The following TPO variants were observed in gnomAD, a reference collection of about 807,000 sequenced individuals.
TPO encodes the protein thyroid microsomal antigen.
Under a neutral mutation model 96.9 loss-of-function variants are expected in TPO, and 78 were observed. The ratio of observed to expected loss-of-function variants is 0.81; its 90% confidence interval spans 0.67 to 0.97. TPO has a LOEUF of 0.97. TPO is among the 50% of genes least tolerant of loss of function. TPO has a pLI of 0.00. For synonymous variants in TPO, 547 were observed against 538.0 expected (o/e 1.02, Z -0.23); for missense variants, 1,252 against 1,274.8 (o/e 0.98, Z 0.27).
At chr2:1,537,033 C>CCCCCACTGTGTGCAACCTTCCCAAATCG (rs1553341634) in intron 15 of TPO, among the ~76,000 whole-genome samples, 1 of 50,980 alleles carries the variant, frequency 2.0e-5, no homozygotes, top group African/African-American at 9.0e-5. Context: ...TCCTCAAATA[C>CCCCCACTGTGTGCAACCTTCCCAAATCG]CCCCACTGTG....
chr2:1,400,096 T>C (rs1662144375), intron 1 of TPO, among the ~76,000 whole-genome samples: 2 of 152,196 alleles, frequency 1.3e-5, no homozygotes, highest in African/African-American at 4.8e-5. Context: ...CAGTAGCTTC[T>C]TGCATTTAGA....
intron 2 of TPO, among the ~76,000 whole-genome samples, chr2:1,422,395 G>GACAGACCTCGTGCAGGC (rs1163151839): frequency 2.2e-4 from 34 of 151,402 alleles, no homozygotes; most frequent in South Asian, 4.2e-4. Context: ...CGCCGCGCTG[G>GACAGACCTCGTGCAGGC]GCCATGGGGA....
upstream of TPO, among the ~76,000 whole-genome samples, chr2:1,409,800 AC>A (rs1355935513): frequency 1.3e-5 from 2 of 151,166 alleles, no homozygotes; most frequent in Non-Finnish European, 1.5e-5. Context: ...GCGCGCACAC[AC>A]ACACACACAT....
intron 15 of TPO, among the ~76,000 whole-genome samples, chr2:1,533,422 A>C (rs1573623864): frequency 5.7e-5 from 4 of 69,644 alleles, no homozygotes; most frequent in Admixed American, 2.1e-4. Context: ...AATCCCCCCA[A>C]ATGTGTGCAA....
At chr2:1,528,724 C>CTGTGCAACCTCCCCAAATACCCCACACTG (rs1677228493) in intron 15 of TPO, among the ~76,000 whole-genome samples, 2 of 129,898 alleles carry the variant, frequency 1.5e-5, no homozygotes, top group African/African-American at 6.2e-5. Flanking sequence ...CCCACCCACT[C>CTGTGCAACCTCCCCAAATACCCCACACTG]TGTGCAACCT....
intron 7 of TPO, 111 bp from the exon 8 acceptor site, chr2:1,476,975 G>A: frequency 1.5e-6 from 2 of 1,370,124 alleles, no homozygotes; most frequent in East Asian, 2.5e-5. Context: ...GAGGACTGGA[G>A]GGGCAGAGAA....
rs1325426648 is a variant in TPO at position 1,415,405 on chromosome 2, G to A, written c.94+903G>A. Among the ~76,000 whole-genome samples, 4 of 136,512 alleles carry A rather than the reference G, an allele frequency of 2.9e-5. No individual in the cohort carries two copies. In the East Asian group the frequency reaches 9.2e-4, roughly 31 times the overall value. The allele number at this position is 136,512 out of a possible 152,430, so 89.6% of individuals were successfully genotyped here. On this transcript the variant is annotated intron_variant, in intron 2 of 16. Coordinates refer to ENST00000329066, the MANE Select transcript of TPO (RefSeq NM_001206744.2). ...TCTGGACACAGTCTCGGGGCCCCTG[G>A]AGCAGGTGACAGCTCACCGGGCAGG...
chr2:1,487,020 C>G (rs1291211891), intron 9 of TPO, among the ~76,000 whole-genome samples: 2 of 152,216 alleles, frequency 1.3e-5, no homozygotes, highest in African/African-American at 2.4e-5. Flanking sequence ...TTTAAAGACT[C>G]TGGTGGCATG....
intron 7 of TPO, among the ~76,000 whole-genome samples, chr2:1,461,979 G>A (rs149876932): frequency 3.9e-5 from 6 of 152,140 alleles, no homozygotes; most frequent in Non-Finnish European, 8.8e-5. Flanking sequence ...GGAAAGGCGG[G>A]TGCTCTCATC....
At chr2:1,474,118 C>T (rs539673489) in intron 7 of TPO, among the ~76,000 whole-genome samples, 18 of 152,168 alleles carry the variant, frequency 1.2e-4, no homozygotes, top group African/African-American at 4.1e-4. Context: ...TTTCACTGCT[C>T]GAGATAATAT....
At chr2:1,393,573 C>T (rs1284794877) in intron 1 of TPO, among the ~76,000 whole-genome samples, 2 of 152,204 alleles carry the variant, frequency 1.3e-5, no homozygotes, top group Admixed American at 6.5e-5. Flanking sequence ...ACCTGTGAAC[C>T]CGCTGATAGC....
chr2:1,433,741 A>G, intron 4 of TPO, 134 bp downstream of exon 4: 1 of 1,010,442 alleles, frequency 9.9e-7, no homozygotes, highest in Non-Finnish European at 1.5e-6. Context: ...GCTCTTTCAA[A>G]GCATACAAGC....
chr2:1,497,136 C>T (rs1301214688), intron 13 of TPO, among the ~76,000 whole-genome samples: 1 of 152,194 alleles, frequency 6.6e-6, no homozygotes, highest in African/African-American at 2.4e-5. Context: ...GGCTCGCCTC[C>T]ACCTCCACCT....
chr2:1,483,203 A>C (rs1000829296), intron 8 of TPO, among the ~76,000 whole-genome samples: 1 of 152,186 alleles, frequency 6.6e-6, no homozygotes, highest in Non-Finnish European at 1.5e-5. Context: ...TGAAGGGCGC[A>C]GGTTTCCTCT....
intron 14 of TPO, among the ~76,000 whole-genome samples, chr2:1,514,783 G>C (rs1674512610): frequency 6.6e-6 from 1 of 152,232 alleles, no homozygotes; most frequent in African/African-American, 2.4e-5. Flanking sequence ...AAAATTTGGA[G>C]CAAAGAATAA....
intron 15 of TPO, among the ~76,000 whole-genome samples, chr2:1,525,362 C>G (rs1676197526): frequency 7.1e-6 from 1 of 141,836 alleles, no homozygotes; most frequent in Admixed American, 7.1e-5. Context: ...CCAAATCTCC[C>G]CCACTGTGAG....
rs376568102 is a variant in TPO at position 1,456,243 on chromosome 2, G to A, written c.780G>A (p.Gln260=). The A allele has an allele frequency of 5.0e-6, 8 of 1,614,146 alleles. No individual in the cohort carries two copies. The highest frequency in any genetic ancestry group is 1.6e-4 in the Middle Eastern group (1 of 6,062). The change falls in exon 7 of 17, where the codon CAG becomes CAA. Residue 260 remains glutamine (Q), a synonymous_variant. Transcript: ENST00000329066. ...CCTTCGGGGGAGGGGCTGACTGCCA[G>A]ATGACTTGTGAGAACCAAAACCCAT... is the stretch of plus-strand genomic sequence containing the variant. ...KAAFGGGADC[Q]MTCENQNPCF... is the part of the protein sequence containing the mutation.
intron 15 of TPO, among the ~76,000 whole-genome samples, chr2:1,527,759 C>T (rs1676925902): frequency 6.7e-6 from 1 of 149,066 alleles, no homozygotes. Context: ...GGGCAACCTC[C>T]CCAAATCCCC....
At chr2:1,446,149 C>T (rs936533093) in intron 5 of TPO, among the ~76,000 whole-genome samples, 12 of 152,180 alleles carry the variant, frequency 7.9e-5, no homozygotes, top group African/African-American at 2.7e-4. Context: ...GAGAACTGTA[C>T]ACCCCAGAGG....
Sources: allele counts gnomAD v4.1 joint callset (sites outside exome capture counted in the v4.1 genomes callset), GRCh38; gene constraint gnomAD v4.1.1; transcripts MANE v1.5; gene names NCBI Gene and HGNC (gene_info 2026-07-23, HGNC 2026-07-21).